The following CELF2 variants were observed in gnomAD, a reference collection of about 807,000 sequenced individuals.
The protein encoded by CELF2 is CUG triplet repeat RNA-binding protein 2.
Under a neutral mutation model 62.6 loss-of-function variants are expected in CELF2, and 8 were observed. The ratio of observed to expected loss-of-function variants is 0.13; its 90% CI spans 0.07 to 0.23. The LOEUF is 0.23. Ranked by LOEUF, CELF2 falls within the 10% of genes least tolerant of loss-of-function variation. The probability of loss-of-function intolerance (pLI) is 1.00; values close to 1 mark genes in which losing one functional copy is unlikely to be tolerated. For synonymous variants in CELF2, 258 were observed against 250.0 expected (o/e 1.03, Z -0.30); for missense variants, 333 against 671.0 (o/e 0.50, Z 5.56).
intron 1 of CELF2, among the ~76,000 whole-genome samples, chr10:11,164,117 G>A (rs1050404497): frequency 6.6e-6 from 1 of 152,200 alleles, no homozygotes; most frequent in Non-Finnish European, 1.5e-5. Flanking sequence ...TGTAGGGGCA[G>A]CTTCTGCCTG....
chr10:10,621,597 CA>C, the CELF2 span, among the ~76,000 whole-genome samples: 1 of 152,144 alleles, frequency 6.6e-6, no homozygotes, highest in Non-Finnish European at 1.5e-5. Flanking sequence ...AGTCACCTAC[CA>C]TGGTGCCTAG....
intron 5 of CELF2, among the ~76,000 whole-genome samples, chr10:11,263,966 C>T (rs554176910): frequency 1.3e-5 from 2 of 152,316 alleles, no homozygotes; most frequent in Non-Finnish European, 2.9e-5. Flanking sequence ...ATAAATGACA[C>T]TGTAATTTTT....
intron 5 of CELF2, among the ~76,000 whole-genome samples, chr10:11,259,328 C>T (rs2079752250): frequency 6.6e-6 from 1 of 152,022 alleles, no homozygotes; most frequent in African/African-American, 2.4e-5. Context: ...CCACCTACAA[C>T]CACCTCCAGA....
intron 2 of CELF2, among the ~76,000 whole-genome samples, chr10:10,967,674 C>T (rs2050277588): frequency 6.6e-6 from 1 of 152,130 alleles, no homozygotes; most frequent in African/African-American, 2.4e-5. Flanking sequence ...CTGAACGGGC[C>T]TGCCTTAGTG....
At chr10:11,139,725 C>G (rs911645226) in intron 1 of CELF2, among the ~76,000 whole-genome samples, 3 of 152,172 alleles carry the variant, frequency 2.0e-5, no homozygotes, top group Non-Finnish European at 2.9e-5. Flanking sequence ...TTACCTACCC[C>G]CTGCTATCTG....
chr10:11,058,573 T>C (rs1464960173), intron 1 of CELF2, among the ~76,000 whole-genome samples: 2 of 150,678 alleles, frequency 1.3e-5, no homozygotes, highest in Non-Finnish European at 3.0e-5. Flanking sequence ...TTCAAGCGAT[T>C]CTCCTGTCTC....
chr10:10,598,597 A>T, the CELF2 span, among the ~76,000 whole-genome samples: 1 of 152,080 alleles, frequency 6.6e-6, no homozygotes. Flanking sequence ...GAAGCTACAC[A>T]TATCTGTGCA....
chr10:10,989,214 C>T (rs901515472), intron 2 of CELF2, among the ~76,000 whole-genome samples: 2 of 152,006 alleles, frequency 1.3e-5, no homozygotes, highest in Admixed American at 1.3e-4. Context: ...AGAACAAATA[C>T]CAATAAAAAT....
At chr10:10,686,314 G>T in the CELF2 span, among the ~76,000 whole-genome samples, 1 of 65,692 alleles carries the variant, frequency 1.5e-5, no homozygotes, top group Non-Finnish European at 2.7e-5. Flanking sequence ...ATTTTTTGGG[G>T]GGGGGGGTGG....
the CELF2 span, among the ~76,000 whole-genome samples, chr10:10,644,402 C>CGT: frequency 0.34 from 51,461 of 149,756 alleles, 9,106 homozygotes; most frequent in East Asian, 0.53. Context: ...AGTGTGTGTT[C>CGT]GTGTGTGTGT....
At chr10:10,609,000 T>C in the CELF2 span, among the ~76,000 whole-genome samples, 1 of 152,152 alleles carries the variant, frequency 6.6e-6, no homozygotes, top group Admixed American at 6.6e-5. Flanking sequence ...CTGGCCTCCG[T>C]GAGCCAGGAT....
In CELF2 at chr10:11,280,595, C is replaced by T. The variant is rs1362102473; in HGVS notation, c.841+5475C>T. 3.3e-5 allele frequency among the ~76,000 whole-genome samples: 5 copies of T among 152,200 alleles called. No homozygotes were observed. Among genetic ancestry groups the T allele is most frequent in the Admixed American group, 6.5e-5 (1 of 15,280 alleles). ...AACACTGGGGCCAAGACAGTCCCCA[C>T]GCTCTTCTCGCCCCGGGTTATTACT... On this transcript the variant is annotated intron_variant, in intron 8 of 12. Coordinates refer to ENST00000633077, the MANE Select transcript of CELF2 (RefSeq NM_001326342.2). This position sits in a 1 kb window ranked among gnomAD's most constrained non-coding sequence, Gnocchi z 7.6.
chr10:10,842,923 A>T (rs1483938440), intron 1 of CELF2, among the ~76,000 whole-genome samples: 1 of 152,050 alleles, frequency 6.6e-6, no homozygotes, highest in East Asian at 1.9e-4. Context: ...TCAGCCTGGT[A>T]CACTTCTTTG....
chr10:11,193,302 T>G (rs765066984), intron 2 of CELF2, among the ~76,000 whole-genome samples: 2 of 152,116 alleles, frequency 1.3e-5, no homozygotes, highest in Non-Finnish European at 2.9e-5. Flanking sequence ...AAGAGTGAAA[T>G]TAACCAGCTC....
At chr10:10,791,587 T>C in the CELF2 span, among the ~76,000 whole-genome samples, 1 of 152,190 alleles carries the variant, frequency 6.6e-6, no homozygotes, top group East Asian at 1.9e-4. Flanking sequence ...TCATCAATAG[T>C]GTAAATGGAT....
intron 3 of CELF2, among the ~76,000 whole-genome samples, chr10:11,233,640 G>A (rs752551204): frequency 6.6e-6 from 1 of 152,164 alleles, no homozygotes; most frequent in Non-Finnish European, 1.5e-5. Context: ...GTGAATTGGT[G>A]GGTCAGCCAA....
At position 11,274,544 on chromosome 10, in the gene CELF2, G is replaced by T. The variant is rs567849992; in HGVS notation, c.778-513G>T. On this transcript the variant is annotated intron_variant, in intron 7 of 12. Transcript: ENST00000633077. ...TTTAAAATGGCTGCCCATTTGCTTG[G>T]TCATGTAGTGGTGGCTGCAGCTGTA... Among the ~76,000 whole-genome samples the T allele has an allele frequency of 2.6e-5, 4 of 152,352 alleles. No individual in the cohort carries two copies. In the East Asian group the frequency reaches 7.7e-4, roughly 29 times the overall value.
the CELF2 span, among the ~76,000 whole-genome samples, chr10:10,609,305 A>G: frequency 1.3e-5 from 2 of 152,152 alleles, no homozygotes; most frequent in South Asian, 4.1e-4. Context: ...ACCATCATCA[A>G]TTTGCTTATT....
At chr10:10,699,021 G>A in the CELF2 span, among the ~76,000 whole-genome samples, 2 of 151,916 alleles carry the variant, frequency 1.3e-5, no homozygotes, top group Admixed American at 6.6e-5. Context: ...TGCTTATATA[G>A]TATCCATATA....
Sources: allele counts gnomAD v4.1 joint callset (sites outside exome capture counted in the v4.1 genomes callset), GRCh38; gene constraint gnomAD v4.1.1; non-coding constraint Gnocchi (gnomAD v3.1); transcripts MANE v1.5; gene names NCBI Gene and HGNC (gene_info 2026-07-23, HGNC 2026-07-21).